PCDHGA2: variants seen among roughly 807,000 people sequenced by gnomAD.
The protein encoded by PCDHGA2 is protocadherin gamma-A2.
PCDHGA2 carries 40 observed loss-of-function variants against 59.2 expected under a neutral mutation model. That is an observed-to-expected ratio of 0.68 (90% CI 0.52 to 0.88). The LOEUF (loss-of-function observed/expected upper bound fraction) is 0.88. Ranked by LOEUF, PCDHGA2 falls within the 40% of genes least tolerant of loss-of-function variation. The probability of loss-of-function intolerance (pLI) is 0.00; values close to 1 mark genes in which losing one functional copy is unlikely to be tolerated. For synonymous variants in PCDHGA2, 560 were observed against 526.0 expected (o/e 1.06, Z -0.89); for missense variants, 1,226 against 1,204.0 (o/e 1.02, Z -0.27).
intron 1 of PCDHGA2, chr5:141,400,635 TG>T: frequency 7.3e-7 from 1 of 1,373,110 alleles, no homozygotes; most frequent in Non-Finnish European, 1.0e-6. Flanking sequence ...AAGTCAGAGC[TG>T]CTCAGAAAGC....
At chr5:141,415,165 C>T (rs1410806560) in intron 1 of PCDHGA2, 10 of 1,613,746 alleles carry the variant, frequency 6.2e-6, no homozygotes, top group Non-Finnish European at 8.5e-6. Context: ...CACTGTCACG[C>T]TCACCGTGGC....
chr5:141,476,357 C>T lies in PCDHGA2; in HGVS notation c.2425-18450C>T. On this transcript the variant is annotated intron_variant, in intron 1 of 3. Transcript: ENST00000394576. The surrounding 1 kb of genome is among the most constrained non-coding windows in gnomAD (Gnocchi z 7.6). ...TAGCCGAAGATTCTTTGAGGTGAAC[C>T]GGGAGACCGGAGAGATGTTTGTGAA... The T allele has an allele frequency of 6.2e-7, 1 of 1,614,052 alleles. No individual in the cohort carries two copies. The highest frequency in any genetic ancestry group is 2.2e-5 in the East Asian group (1 of 44,854).
chr5:141,341,543 G>A, intron 1 of PCDHGA2, 148 bp downstream of exon 1: 1 of 1,450,458 alleles, frequency 6.9e-7, no homozygotes, highest in African/African-American at 1.4e-5. Flanking sequence ...TTCTTGGTAG[G>A]TCTTAGTGTT....
chr5:141,414,791 G>A (rs375736950), intron 1 of PCDHGA2: 43 of 1,614,120 alleles, frequency 2.7e-5, no homozygotes, highest in Non-Finnish European at 3.3e-5. Context: ...GTGACAGCCA[G>A]CGACAGCGGG....
chr5:141,366,559 G>C, intron 1 of PCDHGA2: 2 of 1,614,270 alleles, frequency 1.2e-6, no homozygotes, highest in South Asian at 2.2e-5. Context: ...TTGTGGGCGT[G>C]GATGGGGTTC....
In PCDHGA2 at chr5:141,394,565, T is replaced by C. The variant is rs199836246; in HGVS notation, c.2424+53170T>C. ...AGCTGGCGCCCCGCTCCGCAGAGCG[T>C]GGCTACCTGGTGACCAAGGTGGTGG... On this transcript the variant is annotated intron_variant, in intron 1 of 3. Transcript: ENST00000394576. The C allele has an allele frequency of 4.7e-3, 7,555 of 1,612,722 alleles. 48 individuals carry two copies. The highest frequency in any genetic ancestry group is 9.5e-3 in the Admixed American group (567 of 59,986).
At chr5:141,422,546 GGC>G in intron 1 of PCDHGA2, 8 of 1,613,972 alleles carry the variant, frequency 5.0e-6, no homozygotes, top group Non-Finnish European at 6.8e-6. Flanking sequence ...ACTCATGTCT[GGC>G]TGAATGTGGC....
Position 141,405,169 on chromosome 5 carries a change from C to G in PCDHGA2, c.2424+63774C>G, listed in dbSNP as rs377298438. 12 of 1,614,004 alleles carry G rather than the reference C, an allele frequency of 7.4e-6. No homozygotes were observed. The African/African-American group carries it at 1.6e-4, about 22-fold the overall frequency. On this transcript the variant is annotated intron_variant, in intron 1 of 3. Coordinates refer to ENST00000394576, the MANE Select transcript of PCDHGA2 (RefSeq NM_018915.4). ...GGTTGGCTGGTGTGCCCACCTCACA[C>G]TTTGTGGGTGTAGATGGGGTTCGAG...
chr5:141,425,371 G>T (rs1396857898), intron 1 of PCDHGA2, among the ~76,000 whole-genome samples: 3 of 152,186 alleles, frequency 2.0e-5, no homozygotes, highest in African/African-American at 7.2e-5. Context: ...AGAGGGTTAT[G>T]TTGATTCGGA....
intron 1 of PCDHGA2, chr5:141,400,729 A>G: frequency 1.5e-6 from 1 of 649,042 alleles, no homozygotes. Flanking sequence ...TTTACAAAGT[A>G]GTGAGAGTTT....
In PCDHGA2 at chr5:141,414,129, C is replaced by A. The variant is rs1487550233; in HGVS notation, c.2424+72734C>A. The A allele has an allele frequency of 1.9e-6, 3 of 1,594,152 alleles. No homozygotes were observed. In the Admixed American group the frequency reaches 5.3e-5, roughly 28 times the overall value. ...ATCTAGATTATGAAGAAACCGGTTT[C>A]TATGAAATAGAAATACAAGCAGAAG... On this transcript the variant is annotated intron_variant, in intron 1 of 3. Coordinates refer to ENST00000394576, the MANE Select transcript of PCDHGA2 (RefSeq NM_018915.4).
chr5:141,481,934 AAT>A (rs1245984926), intron 1 of PCDHGA2, among the ~76,000 whole-genome samples: 5 of 147,494 alleles, frequency 3.4e-5, no homozygotes, highest in Admixed American at 3.4e-4. Flanking sequence ...AAAAAAAAAA[AAT>A]CAGCCAGATG....
At chr5:141,403,743 C>A (rs1165597254) in intron 1 of PCDHGA2, 1 of 1,613,856 alleles carries the variant, frequency 6.2e-7, no homozygotes, top group Non-Finnish European at 8.5e-7. Context: ...CTGCTTACTG[C>A]AACAGCCAGC....
chr5:141,385,157 A>G (rs1338074749), intron 1 of PCDHGA2: 1 of 1,614,208 alleles, frequency 6.2e-7, no homozygotes, highest in East Asian at 2.2e-5. Flanking sequence ...CTGCAGACCT[A>G]TTCCCATGAG....
chr5:141,409,262 G>C (rs768196825), intron 1 of PCDHGA2: 1 of 1,613,952 alleles, frequency 6.2e-7, no homozygotes, highest in Admixed American at 1.7e-5. Flanking sequence ...TTCTCTCTCT[G>C]ATCAGATTTT....
intron 1 of PCDHGA2, among the ~76,000 whole-genome samples, chr5:141,443,858 T>C (rs1325927807): frequency 6.6e-6 from 1 of 152,162 alleles, no homozygotes; most frequent in Non-Finnish European, 1.5e-5. Context: ...GTCTGAAAAC[T>C]GAAAAAATTA....
Position 141,490,644 on chromosome 5 carries a change from T to G in PCDHGA2, c.2425-4163T>G, listed in dbSNP as rs772742713. 1 of 1,614,188 alleles carries G rather than the reference T, an allele frequency of 6.2e-7. No individual in the cohort carries two copies. Among genetic ancestry groups the G allele is most frequent in the Non-Finnish European group, 8.5e-7 (1 of 1,180,016 alleles). The stretch of plus-strand genomic sequence containing the variant: ...CTGCTTACATCCTAGAAAACCGGCC[T>G]CCGGGCTCCCTTCTTTGCACTGTGG... On this transcript the variant is annotated intron_variant, in intron 1 of 3. Transcript: ENST00000394576. The surrounding 1 kb of genome is among the most constrained non-coding windows in gnomAD (Gnocchi z 5.4).
At chr5:141,384,862 T>A in intron 1 of PCDHGA2, 1 of 1,613,686 alleles carries the variant, frequency 6.2e-7, no homozygotes, top group Non-Finnish European at 8.5e-7. Context: ...GCCTCCTCTG[T>A]CAGCCACCGT....
chr5:141,375,211 T>G, intron 1 of PCDHGA2: 1 of 1,614,010 alleles, frequency 6.2e-7, no homozygotes, highest in Non-Finnish European at 8.5e-7. Flanking sequence ...ATCGAGACTC[T>G]GGCCTGAATG....
Sources: gnomAD v4.1 joint callset for allele counts (sites outside exome capture counted in the v4.1 genomes callset) on GRCh38, gnomAD v4.1.1 for gene constraint, Gnocchi (gnomAD v3.1) non-coding constraint, MANE v1.5 for transcripts, NCBI Gene and HGNC (gene_info 2026-07-23, HGNC 2026-07-21) for gene names.